The following ANO3 variants were observed in gnomAD, a reference collection of about 807,000 sequenced individuals.
ANO3 encodes the protein anoctamin 3.
In ANO3, 99 loss-of-function variants were observed where a neutral mutation model predicts 144.8. The observed-to-expected ratio is 0.68, with a 90% CI of 0.58 to 0.81. The LOEUF is 0.81. ANO3 is among the 30% of genes least tolerant of loss of function. ANO3 has a pLI of 0.00. For synonymous variants in ANO3, 414 were observed against 392.6 expected (o/e 1.05, Z -0.64); for missense variants, 905 against 1,202.2 (o/e 0.75, Z 3.66).
intron 1 of ANO3, among the ~76,000 whole-genome samples, chr11:26,209,524 C>G (rs866603028): frequency 2.6e-5 from 4 of 152,228 alleles, no homozygotes; most frequent in Middle Eastern, 3.4e-3. Context: ...TGGGATTGCT[C>G]GGTCAAATGT....
chr11:26,530,501 C>CT (rs11408153), intron 7 of ANO3, among the ~76,000 whole-genome samples: 437 of 17,916 alleles, frequency 0.024, 2 homozygotes, highest in East Asian at 0.075. Flanking sequence ...ATCTATCTAT[C>CT]ATCTATCTAT....
chr11:26,326,215 C>T (rs541921827), intron 1 of ANO3, among the ~76,000 whole-genome samples: 1 of 152,136 alleles, frequency 6.6e-6, no homozygotes, highest in African/African-American at 2.4e-5. Flanking sequence ...GACCACATAA[C>T]TTACTGTCCA....
intron 1 of ANO3, among the ~76,000 whole-genome samples, chr11:26,195,839 T>C (rs1174795104): frequency 4.6e-5 from 7 of 152,152 alleles, no homozygotes; most frequent in Non-Finnish European, 1.0e-4. Context: ...TGCAAGTTAT[T>C]TAAAACTTCT....
At chr11:26,648,103 A>T (rs1469716039) in intron 24 of ANO3, among the ~76,000 whole-genome samples, 4 of 152,132 alleles carry the variant, frequency 2.6e-5, no homozygotes, top group African/African-American at 9.7e-5. Flanking sequence ...TTAAAAATAT[A>T]TTTAGAAGTT....
At chr11:26,473,001 A>G (rs1859837027) in intron 4 of ANO3, among the ~76,000 whole-genome samples, 1 of 151,962 alleles carries the variant, frequency 6.6e-6, no homozygotes, top group Non-Finnish European at 1.5e-5. Flanking sequence ...AGGATTCCAG[A>G]TGAGGGTTTC....
chr11:26,395,292 C>A (rs954193287), intron 1 of ANO3, among the ~76,000 whole-genome samples: 1 of 151,844 alleles, frequency 6.6e-6, no homozygotes, highest in African/African-American at 2.4e-5. Flanking sequence ...TTTCAAGTAG[C>A]TTTTTTTCTA....
intron 5 of ANO3, among the ~76,000 whole-genome samples, chr11:26,513,994 A>G (rs1861765820): frequency 6.6e-6 from 1 of 152,136 alleles, no homozygotes; most frequent in African/African-American, 2.4e-5. Context: ...CTCCCCAGGA[A>G]CAAAAAGTAA....
intron 1 of ANO3, among the ~76,000 whole-genome samples, chr11:26,234,367 T>A (rs1343666398): frequency 6.6e-6 from 1 of 152,230 alleles, no homozygotes; most frequent in African/African-American, 2.4e-5. Context: ...TTTTATTTTA[T>A]GTTTTTCACT....
chr11:26,465,126 G>T (rs977117791), intron 4 of ANO3, among the ~76,000 whole-genome samples: 2 of 29,194 alleles, frequency 6.9e-5, no homozygotes, highest in Admixed American at 3.6e-4. Context: ...TCATTAAATT[G>T]TGTGTGTGTG....
intron 1 of ANO3, among the ~76,000 whole-genome samples, chr11:26,324,637 A>T (rs1216719399): frequency 6.6e-6 from 1 of 152,218 alleles, no homozygotes; most frequent in Admixed American, 6.5e-5. Flanking sequence ...AACCAATCAG[A>T]TGTATATATA....
intron 17 of ANO3, among the ~76,000 whole-genome samples, chr11:26,609,693 A>G (rs1299088101): frequency 1.3e-5 from 2 of 152,128 alleles, no homozygotes; most frequent in Non-Finnish European, 2.9e-5. Flanking sequence ...TTGTGCTGCA[A>G]TAAACTTAGG....
rs567932539 is a variant in ANO3, at chr11:26,206,400, C to T, written c.154+17070C>T. 2.4e-4 allele frequency among the ~76,000 whole-genome samples: 37 copies of T among 152,066 alleles called. No homozygotes were observed. The South Asian group carries it at 7.5e-3, about 31-fold the overall frequency. ...AACTTGCTATGTGTTTCTGAGTAAA[C>T]TTATTTTCTTTATCTCTGTTTTCAT... On this transcript the variant is annotated intron_variant, in intron 1 of 27. Coordinates refer to the ANO3 transcript ENST00000672621.
At chr11:26,573,254 T>C (rs369227057) in intron 14 of ANO3, among the ~76,000 whole-genome samples, 5 of 152,108 alleles carry the variant, frequency 3.3e-5, no homozygotes, top group Admixed American at 6.6e-5. Flanking sequence ...AACAAGGTAA[T>C]TCTATAGTTT....
chr11:26,385,630 C>T (rs2133955454), intron 1 of ANO3, among the ~76,000 whole-genome samples: 1 of 152,192 alleles, frequency 6.6e-6, no homozygotes, highest in East Asian at 1.9e-4. Context: ...ATGACTGTGA[C>T]TCTGCCTATT....
Position 26,591,911 on chromosome 11 carries a change from A to G in ANO3, c.1448-6454A>G, listed in dbSNP as rs1466532312. ...AGACTCCACTCCAGCCACTTTAACC[A>G]TGGTTGGGGTAGATAAAATGACTGG... On this transcript the variant is annotated intron_variant, in intron 14 of 26. Transcript: ENST00000256737. 3.3e-5 allele frequency among the ~76,000 whole-genome samples: 5 copies of G among 152,168 alleles called. 1 individual carries two copies. Among genetic ancestry groups the G allele is most frequent in the African/African-American group, 1.2e-4 (5 of 41,526 alleles).
chr11:26,348,547 G>A (rs1855555507), intron 1 of ANO3, among the ~76,000 whole-genome samples: 1 of 152,144 alleles, frequency 6.6e-6, no homozygotes, highest in Non-Finnish European at 1.5e-5. Flanking sequence ...ATAAATTCCT[G>A]TCCTTAAGAG....
chr11:26,535,494 A>C (rs1482911746), intron 9 of ANO3, among the ~76,000 whole-genome samples: 2 of 151,964 alleles, frequency 1.3e-5, no homozygotes, highest in Non-Finnish European at 2.9e-5. Flanking sequence ...AGCCAGCAAA[A>C]ACTGGTACCA....
At chr11:26,476,916 TGTGTGTGTGTGTGTGTGA>T (rs1172194545) in intron 4 of ANO3, among the ~76,000 whole-genome samples, 4 of 143,818 alleles carry the variant, frequency 2.8e-5, no homozygotes, top group Non-Finnish European at 6.2e-5. Context: ...TGTGTGTGTG[TGTGTGTGTGTGTGTGTGA>T]GAGAGAGAGA....
intron 10 of ANO3, among the ~76,000 whole-genome samples, chr11:26,538,027 GTTTCACTTCTGAAC>G (rs1849554271): frequency 6.6e-6 from 1 of 152,046 alleles, no homozygotes; most frequent in South Asian, 2.1e-4. Flanking sequence ...GTCTTTACAG[GTTTCACTTCTGAAC>G]TTTCAAAGAC....
Sources: gnomAD v4.1 joint callset for allele counts (sites outside exome capture counted in the v4.1 genomes callset) on GRCh38, gnomAD v4.1.1 for gene constraint, MANE v1.5 for transcripts, NCBI Gene and HGNC (gene_info 2026-07-23, HGNC 2026-07-21) for gene names.